The following NUMB variants were observed in gnomAD, a reference collection of about 807,000 sequenced individuals.
NUMB encodes the protein NUMB endocytic adaptor protein.
NUMB carries 29 observed loss-of-function variants against 59.7 expected under a neutral mutation model. The observed-to-expected ratio is 0.49, with a 90% CI of 0.36 to 0.66. The LOEUF (loss-of-function observed/expected upper bound fraction) is 0.66. Among genes scored for constraint, NUMB ranks in the 30% least tolerant of loss-of-function variants. The pLI is 0.00. For synonymous variants in NUMB, 288 were observed against 288.2 expected, an observed-to-expected ratio of 1.00 and a Z score of 0.01; for missense variants, 723 against 822.0, an observed-to-expected ratio of 0.88 and a Z score of 1.47.
chr14:73,277,270 C>T lies in NUMB; in HGVS notation c.1264G>A (p.Gly422Ser), dbSNP rs748492726. 2.6e-5 allele frequency: 41 copies of T among 1,601,926 alleles called. No homozygotes were observed. In the East Asian group the frequency reaches 8.5e-4, roughly 33 times the overall value. The change falls in exon 13 of 13, where the codon GGT becomes AGT. Residue 422 changes from glycine (G) to serine (S), a missense_variant. Around this residue, in one of 2 missense-constraint regions of NUMB, gnomAD observed 406 missense variants for 385.4 expected, o/e 1.05. Transcript: ENST00000555238. ...CSGTEWGQSS[G>S]AASPGLFQAG... is the part of the protein sequence containing the mutation. ...TGGAAGAGACCTGGAGAGGCAGCACCAGAAGATTGACCCCACTCGGTCCCT... is the reference window on the plus strand; with the variant it reads ...TGGAAGAGACCTGGAGAGGCAGCACTAGAAGATTGACCCCACTCGGTCCCT...
intron 1 of NUMB, among the ~76,000 whole-genome samples, chr14:73,447,873 C>T (rs1469793061): frequency 1.3e-5 from 2 of 151,108 alleles, no homozygotes; most frequent in South Asian, 4.2e-4. Context: ...ATGCCCCCTA[C>T]CCTACCCCCA....
intron 1 of NUMB, among the ~76,000 whole-genome samples, chr14:73,446,936 C>T (rs1883555608): frequency 6.6e-6 from 1 of 151,958 alleles, no homozygotes; most frequent in Admixed American, 6.6e-5. Flanking sequence ...CGCCTGTAAT[C>T]CCAGCACTTT....
At chr14:73,279,502 A>C in intron 11 of NUMB, 78 bp from the exon 12 acceptor site, 1 of 1,382,288 alleles carries the variant, frequency 7.2e-7, no homozygotes, top group Non-Finnish European at 9.8e-7. Context: ...TGTGTCAGTC[A>C]GGTGAATGTA....
chr14:73,453,748 C>T (rs944486617), intron 1 of NUMB, among the ~76,000 whole-genome samples: 1 of 151,976 alleles, frequency 6.6e-6, no homozygotes, highest in African/African-American at 2.4e-5. Context: ...GCTGGGACTA[C>T]AGTCGCGTGC....
At chr14:73,363,845 A>C (rs1894205237) in intron 3 of NUMB, among the ~76,000 whole-genome samples, 1 of 152,192 alleles carries the variant, frequency 6.6e-6, no homozygotes, top group African/African-American at 2.4e-5. Flanking sequence ...GCTACTCAGA[A>C]GGCTGACGTG....
intron 4 of NUMB, among the ~76,000 whole-genome samples, chr14:73,345,387 C>T (rs1047613376): frequency 5.9e-5 from 9 of 152,240 alleles, no homozygotes; most frequent in African/African-American, 2.2e-4. Flanking sequence ...TATCAGGTAC[C>T]ATGCTCACTA....
intron 1 of NUMB, among the ~76,000 whole-genome samples, chr14:73,437,408 A>G (rs1444268578): frequency 1.3e-5 from 2 of 152,190 alleles, no homozygotes; most frequent in Admixed American, 6.5e-5. Flanking sequence ...TACTCATGTA[A>G]GAAGAGACTG....
intron 1 of NUMB, among the ~76,000 whole-genome samples, chr14:73,444,561 A>G (rs908704953): frequency 5.9e-5 from 9 of 152,186 alleles, no homozygotes; most frequent in Non-Finnish European, 1.3e-4. Flanking sequence ...CTCAATATTT[A>G]TTTGAAGAAT....
intron 4 of NUMB, among the ~76,000 whole-genome samples, chr14:73,327,611 T>G (rs1244720492): frequency 6.6e-6 from 1 of 152,128 alleles, no homozygotes; most frequent in Non-Finnish European, 1.5e-5. Flanking sequence ...TGGAATATGG[T>G]GCTGTAAAAG....
In NUMB at chr14:73,281,246, C is replaced by CT. The variant is rs571076306; in HGVS notation, c.1096+1112dup. The stretch of plus-strand genomic sequence containing the variant: ...CAATTTACTTATCCTCTCTGAGCCT[C>CT]TTTTTTTTTTTTCATCTGTAACACC... On this transcript the variant is annotated intron_variant, in intron 11 of 12. Coordinates refer to ENST00000555238, the MANE Select transcript of NUMB (RefSeq NM_001005743.2). 4.3e-3 allele frequency among the ~76,000 whole-genome samples: 620 copies of CT among 145,762 alleles called. 5 individuals carry two copies. The highest frequency in any genetic ancestry group is 0.01 in the African/African-American group (406 of 39,720).
At chr14:73,325,206 G>A (rs931445819) in intron 4 of NUMB, among the ~76,000 whole-genome samples, 3 of 150,558 alleles carry the variant, frequency 2.0e-5, no homozygotes, top group African/African-American at 7.4e-5. Flanking sequence ...GGTGGCTCAA[G>A]CCTGTAATCC....
intron 1 of NUMB, among the ~76,000 whole-genome samples, chr14:73,452,065 CA>C (rs537786435): frequency 1.1e-4 from 16 of 147,810 alleles, no homozygotes; most frequent in East Asian, 5.8e-4. Context: ...CTCTACCCCC[CA>C]AAAAAAAAAC....
At chr14:73,395,027 A>T (rs1386840156) in intron 2 of NUMB, among the ~76,000 whole-genome samples, 1 of 88,862 alleles carries the variant, frequency 1.1e-5, no homozygotes, top group Non-Finnish European at 2.4e-5. Context: ...GTTGAATAGT[A>T]TTCGTGTGTT....
chr14:73,328,288 A>AC (rs1555371645), intron 4 of NUMB, among the ~76,000 whole-genome samples: 11 of 150,938 alleles, frequency 7.3e-5, no homozygotes, highest in African/African-American at 2.5e-4. Flanking sequence ...AAAAAAAAAA[A>AC]GTCATATAAA....
intron 2 of NUMB, among the ~76,000 whole-genome samples, chr14:73,395,104 G>A (rs926930513): frequency 7.7e-6 from 1 of 130,152 alleles, no homozygotes; most frequent in African/African-American, 2.8e-5. Flanking sequence ...ACATGTGGCT[G>A]TATCTCTAGC....
intron 4 of NUMB, among the ~76,000 whole-genome samples, chr14:73,347,173 C>A (rs1445694856): frequency 6.6e-6 from 1 of 152,060 alleles, no homozygotes; most frequent in Non-Finnish European, 1.5e-5. Flanking sequence ...TGTAAATTGT[C>A]TCTAATAAAT....
intron 1 of NUMB, among the ~76,000 whole-genome samples, chr14:73,434,109 C>T (rs1897947960): frequency 1.3e-5 from 2 of 151,964 alleles, no homozygotes; most frequent in Admixed American, 1.3e-4. Context: ...AAAAGAAATC[C>T]CAATTTAAAC....
Position 73,424,015 on chromosome 14 carries a change from C to A in NUMB, c.-232-13947G>T, listed in dbSNP as rs1408373544. Among the ~76,000 whole-genome samples the A allele has an allele frequency of 1.3e-4, 18 of 143,846 alleles. No individual in the cohort carries two copies. In the Admixed American group the frequency reaches 1.3e-3, roughly 10 times the overall value. The allele number at this position is 143,846 out of a possible 152,430, so 94.4% of individuals were successfully genotyped here. The stretch of plus-strand genomic sequence containing the variant: ...ACTCTTGATCTATTTTGATACATGA[C>A]AGAATGACAGACGGTTGTATTAATA... On this transcript the variant is annotated intron_variant, in intron 1 of 12. Transcript: ENST00000555238.
chr14:73,419,379 G>A (rs764913763), intron 1 of NUMB, among the ~76,000 whole-genome samples: 1 of 152,064 alleles, frequency 6.6e-6, no homozygotes, highest in African/African-American at 2.4e-5. Flanking sequence ...GTGTGGTGGC[G>A]GGCGCCTGTA....
Sources: gnomAD v4.1 joint callset for allele counts (sites outside exome capture counted in the v4.1 genomes callset) on GRCh38, gnomAD v4.1.1 for gene constraint, gnomAD v4.1.1 regional missense constraint, MANE v1.5 for transcripts, NCBI Gene and HGNC (gene_info 2026-07-23, HGNC 2026-07-21) for gene names.